CHRM3: variants seen among roughly 807,000 people sequenced by gnomAD.
The protein encoded by CHRM3 is cholinergic receptor muscarinic 3.
Under a neutral mutation model 41.8 loss-of-function variants are expected in CHRM3, and 11 were observed. The ratio of observed to expected loss-of-function variants is 0.26; its 90% CI spans 0.17 to 0.44. CHRM3 has a LOEUF of 0.44. Among genes scored for constraint, CHRM3 ranks in the 20% least tolerant of loss-of-function variants. CHRM3 has a pLI of 1.00. For synonymous variants in CHRM3, 297 were observed against 301.4 expected (o/e 0.99, Z 0.15); for missense variants, 571 against 745.4 (o/e 0.77, Z 2.72).
intron 5 of CHRM3, among the ~76,000 whole-genome samples, chr1:239,777,827 A>G (rs562195065): frequency 3.3e-5 from 5 of 152,188 alleles, no homozygotes; most frequent in Non-Finnish European, 5.9e-5. Flanking sequence ...GAATCCTTCA[A>G]ATAGTTACAG....
chr1:239,856,058 C>G (rs497716), intron 6 of CHRM3, among the ~76,000 whole-genome samples: 2 of 152,100 alleles, frequency 1.3e-5, no homozygotes, highest in African/African-American at 4.8e-5. Flanking sequence ...AAAAATCTAA[C>G]ATTCTCCATT....
At chr1:239,807,651 G>C (rs1319660476) in intron 5 of CHRM3, among the ~76,000 whole-genome samples, 1 of 152,200 alleles carries the variant, frequency 6.6e-6, no homozygotes, top group Admixed American at 6.5e-5. Context: ...TAAGTGAAAT[G>C]TTTCTGGCTT....
intron 2 of CHRM3, among the ~76,000 whole-genome samples, chr1:239,530,690 A>C (rs1299031807): frequency 6.6e-6 from 1 of 152,220 alleles, no homozygotes. Context: ...ATTATGTAAA[A>C]TAACAAAATG....
At chr1:239,500,180 C>A (rs1668134125) in intron 2 of CHRM3, among the ~76,000 whole-genome samples, 2 of 152,088 alleles carry the variant, frequency 1.3e-5, no homozygotes, top group African/African-American at 4.8e-5. Context: ...ATGTTTATTG[C>A]AGCACTATTC....
rs1161876678 is a variant in CHRM3, at chr1:239,676,635, G to C, written c.-249-1551G>C. ...ACAGCTCTCCTTGTGTTGTAAGGGG[G>C]ACTGGCCCCAGTTTTAGCCACTACT... On this transcript the variant is annotated intron_variant, in intron 4 of 6. Coordinates refer to ENST00000676153, the MANE Select transcript of CHRM3 (RefSeq NM_001375978.1). 2.6e-5 allele frequency among the ~76,000 whole-genome samples: 4 copies of C among 152,254 alleles called. No individual in the cohort carries two copies. In the East Asian group the frequency reaches 7.7e-4, roughly 29 times the overall value.
intron 1 of CHRM3, among the ~76,000 whole-genome samples, chr1:239,439,505 A>G (rs1663537399): frequency 6.6e-6 from 1 of 152,194 alleles, no homozygotes; most frequent in Non-Finnish European, 1.5e-5. Context: ...GGAACTAGAT[A>G]AGAACAATGA....
intron 3 of CHRM3, among the ~76,000 whole-genome samples, chr1:239,577,266 T>C (rs1662455295): frequency 6.6e-6 from 1 of 152,154 alleles, no homozygotes; most frequent in Non-Finnish European, 1.5e-5. Context: ...TATTTCCTTT[T>C]TTTGATGTTT....
chr1:239,623,628 C>T (rs1401326229), intron 3 of CHRM3, among the ~76,000 whole-genome samples: 3 of 81,870 alleles, frequency 3.7e-5, no homozygotes, highest in African/African-American at 9.9e-5. Flanking sequence ...AGGTATATCT[C>T]CCAATGCTAT....
intron 4 of CHRM3, among the ~76,000 whole-genome samples, chr1:239,662,998 C>T (rs1373602361): frequency 6.7e-6 from 1 of 149,578 alleles, no homozygotes; most frequent in South Asian, 2.1e-4. Context: ...TTGTCCTTCT[C>T]CTTCTTCTTT....
intron 3 of CHRM3, among the ~76,000 whole-genome samples, chr1:239,621,482 C>A (rs11807040): frequency 0.25 from 37,407 of 151,998 alleles, 4,915 homozygotes; most frequent in African/African-American, 0.26. Flanking sequence ...AAACAGTTAG[C>A]CAAGTTGTGA....
chr1:239,542,729 TG>T (rs1217578029), intron 2 of CHRM3, among the ~76,000 whole-genome samples: 1 of 152,168 alleles, frequency 6.6e-6, no homozygotes, highest in Non-Finnish European at 1.5e-5. Context: ...TGCAATGAAA[TG>T]GGCAACCACT....
At chr1:239,896,309 G>A (rs1381900968) in intron 6 of CHRM3, among the ~76,000 whole-genome samples, 1 of 152,152 alleles carries the variant, frequency 6.6e-6, no homozygotes, top group Non-Finnish European at 1.5e-5. Context: ...ATCAACTCAA[G>A]CAAAGCTAAT....
chr1:239,601,547 GA>G lies in CHRM3; in HGVS notation c.-312-30667del, dbSNP rs1231341150. On this transcript the variant is annotated intron_variant, in intron 3 of 6. Coordinates refer to ENST00000676153, the MANE Select transcript of CHRM3 (RefSeq NM_001375978.1). ...AGTTTTATAGTCTTAAGACCCATTA[GA>G]AAAAAAAAAGGCTTATGGGTACCAA... Among the ~76,000 whole-genome samples, 11 of 144,816 alleles carry G rather than the reference GA, an allele frequency of 7.6e-5. No homozygotes were observed. In the South Asian group the frequency reaches 8.8e-4, roughly 12 times the overall value.
intron 6 of CHRM3, among the ~76,000 whole-genome samples, chr1:239,854,646 A>T (rs1468544002): frequency 6.6e-6 from 1 of 152,122 alleles, no homozygotes; most frequent in Admixed American, 6.6e-5. Flanking sequence ...ACAAAATCAC[A>T]TCCAGCATGA....
At chr1:239,574,275 G>A (rs1158673560) in intron 3 of CHRM3, among the ~76,000 whole-genome samples, 3 of 152,120 alleles carry the variant, frequency 2.0e-5, no homozygotes, top group Non-Finnish European at 4.4e-5. Context: ...GCCAGAGTAG[G>A]TACAGGTCCA....
chr1:239,739,086 C>CCCAAGA (rs1664627752), intron 5 of CHRM3, among the ~76,000 whole-genome samples: 1 of 152,160 alleles, frequency 6.6e-6, no homozygotes, highest in African/African-American at 2.4e-5. Flanking sequence ...CAGATTCTAT[C>CCCAAGA]TTGGGACATG....
At chr1:239,810,177 C>A (rs1411949064) in intron 5 of CHRM3, among the ~76,000 whole-genome samples, 3 of 152,110 alleles carry the variant, frequency 2.0e-5, no homozygotes, top group Admixed American at 2.0e-4. Context: ...TCCACGCATC[C>A]TTTTGCATTC....
chr1:239,738,017 C>CA (rs1332706744), intron 5 of CHRM3, among the ~76,000 whole-genome samples: 18 of 151,880 alleles, frequency 1.2e-4, no homozygotes, highest in Admixed American at 4.6e-4. Flanking sequence ...ACAACAACAA[C>CA]AAAAAACTGA....
At chr1:239,690,034 G>C (rs932378434) in intron 5 of CHRM3, among the ~76,000 whole-genome samples, 3 of 134,610 alleles carry the variant, frequency 2.2e-5, no homozygotes, top group Admixed American at 7.7e-5. Flanking sequence ...GAGAGAGACA[G>C]AGAGAGAGAC....
Sources: allele counts gnomAD v4.1 joint callset (sites outside exome capture counted in the v4.1 genomes callset), GRCh38; gene constraint gnomAD v4.1.1; transcripts MANE v1.5; gene names NCBI Gene and HGNC (gene_info 2026-07-23, HGNC 2026-07-21).